The following ANKRD20A1 variants were observed in gnomAD, a reference collection of about 807,000 sequenced individuals.
ANKRD20A1 encodes ankyrin repeat domain-containing protein 20A1.
A neutral mutation model predicts 50.9 loss-of-function variants in ANKRD20A1; 2 were observed. That is an observed-to-expected ratio of 0.04 (90% CI 0.02 to 0.12). The LOEUF is 0.12. Among genes scored for constraint, ANKRD20A1 ranks in the 10% least tolerant of loss-of-function variants. The pLI is 1.00. For missense variants in ANKRD20A1, 31 were observed against 548.1 expected (o/e 0.06, Z 9.42); for synonymous variants, 10 against 186.2 (o/e 0.05, Z 7.70).
chr9:67,884,613 G>C (rs191449257), intron 9 of ANKRD20A1, 43 bp downstream of exon 9: 67 of 1,589,122 alleles, frequency 4.2e-5, no homozygotes, highest in Non-Finnish European at 5.3e-5. Context: ...GATGGAGGCC[G>C]GGTGCGGTGG....
chr9:67,875,885 CTTCT>C (rs1439470719), intron 6 of ANKRD20A1, among the ~76,000 whole-genome samples: 3 of 99,890 alleles, frequency 3.0e-5, no homozygotes, highest in South Asian at 4.1e-4. Flanking sequence ...TTTTCTTTTG[CTTCT>C]TTATCATTGT....
chr9:67,900,259 G>C (rs957928839), intron 14 of ANKRD20A1, among the ~76,000 whole-genome samples: 2 of 19,972 alleles, frequency 1.0e-4, no homozygotes, highest in African/African-American at 2.3e-4. Flanking sequence ...AAATTCTCTG[G>C]TGTGTGTGTG....
chr9:67,875,607 AATGAC>A (rs1203764291), intron 6 of ANKRD20A1, among the ~76,000 whole-genome samples: 3 of 151,886 alleles, frequency 2.0e-5, no homozygotes, highest in African/African-American at 7.2e-5. Flanking sequence ...ACAAGTGTAT[AATGAC>A]ATGACATGTA....
intron 9 of ANKRD20A1, among the ~76,000 whole-genome samples, chr9:67,884,795 CAGG>C (rs1452669982): frequency 6.6e-6 from 1 of 151,128 alleles, no homozygotes. Context: ...GAGGCTGAGG[CAGG>C]AGAATGGCTT....
intron 8 of ANKRD20A1, among the ~76,000 whole-genome samples, chr9:67,882,535 T>C (rs1024573118): frequency 6.7e-6 from 1 of 150,096 alleles, no homozygotes; most frequent in Non-Finnish European, 1.5e-5. Flanking sequence ...TCTAGTATCA[T>C]TCAACTGGAA....
At chr9:67,883,071 A>G (rs1827825607) in intron 8 of ANKRD20A1, among the ~76,000 whole-genome samples, 2 of 150,608 alleles carry the variant, frequency 1.3e-5, no homozygotes, top group African/African-American at 4.9e-5. Flanking sequence ...AGTCTTTGCT[A>G]TTGTAAATAG....
chr9:67,866,261 G>A (rs1409707868), intron 3 of ANKRD20A1, among the ~76,000 whole-genome samples: 1 of 150,312 alleles, frequency 6.7e-6, no homozygotes, highest in Non-Finnish European at 1.5e-5. Flanking sequence ...GATTTAAAAA[G>A]TAGAGCTGCA....
In ANKRD20A1 at chr9:67,860,433, T is replaced by C. The variant is rs1192124408; in HGVS notation, c.203+804T>C. ...ACATATGTTATATATATCAGTTATA[T>C]ATACACATTAGATGAAAAGTACCTC... On this transcript the variant is annotated intron_variant, in intron 1 of 14. Transcript: ENST00000562196. 2 of 48,066 alleles carry C rather than the reference T, an allele frequency of 4.2e-5. 1 individual carries two copies. Among genetic ancestry groups the C allele is most frequent in the Non-Finnish European group, 8.3e-5 (2 of 24,142 alleles). The allele number at this position is 48,066 out of a possible 1,614,324, so 3.0% of individuals were successfully genotyped here.
intron 8 of ANKRD20A1, among the ~76,000 whole-genome samples, chr9:67,882,360 G>A (rs1171669181): frequency 6.7e-6 from 1 of 149,344 alleles, no homozygotes; most frequent in Non-Finnish European, 1.5e-5. Context: ...TAAACCTAAT[G>A]TAGCTAATAA....
chr9:67,865,667 C>G (rs1438599160), intron 3 of ANKRD20A1, among the ~76,000 whole-genome samples: 1 of 131,446 alleles, frequency 7.6e-6, no homozygotes, highest in African/African-American at 2.8e-5. Context: ...TCTGGTGTCC[C>G]CTGAGTTTCT....
chr9:67,884,837 C>T (rs1412119153), intron 9 of ANKRD20A1, among the ~76,000 whole-genome samples: 2 of 151,250 alleles, frequency 1.3e-5, no homozygotes, highest in Non-Finnish European at 2.9e-5. Flanking sequence ...TTGCAGTGAG[C>T]GGAGATACCA....
intron 8 of ANKRD20A1, among the ~76,000 whole-genome samples, chr9:67,881,933 G>A (rs201244185): frequency 1.4e-5 from 2 of 145,390 alleles, no homozygotes; most frequent in Admixed American, 7.2e-5. Context: ...AAACATATTT[G>A]TGTGTATCCT....
intron 9 of ANKRD20A1, among the ~76,000 whole-genome samples, chr9:67,884,983 AAC>A: frequency 3.0e-5 from 2 of 66,172 alleles, no homozygotes; most frequent in African/African-American, 6.5e-5. Context: ...GTGTCCTATT[AAC>A]TGTATAATAA....
intron 3 of ANKRD20A1, among the ~76,000 whole-genome samples, chr9:67,865,581 A>G (rs1379873613): frequency 2.7e-5 from 4 of 149,028 alleles, no homozygotes; most frequent in East Asian, 2.0e-4. Context: ...GTTTGCCTCT[A>G]TAAGTTGAAT....
chr9:67,890,034 AAG>A (rs1447549683), intron 11 of ANKRD20A1, among the ~76,000 whole-genome samples: 3 of 29,074 alleles, frequency 1.0e-4, no homozygotes, highest in African/African-American at 2.3e-4. Context: ...TTAGAGTAGA[AAG>A]AGAGCAAAGA....
At chr9:67,869,166 G>GAAAA (rs1338510460) in intron 5 of ANKRD20A1, among the ~76,000 whole-genome samples, 1 of 12,122 alleles carries the variant, frequency 8.2e-5, no homozygotes. Context: ...AGAAGAAGGG[G>GAAAA]AAAAAAGGCC....
At chr9:67,884,206 C>G (rs1827837425) in intron 8 of ANKRD20A1, among the ~76,000 whole-genome samples, 1 of 146,206 alleles carries the variant, frequency 6.8e-6, no homozygotes, top group Admixed American at 7.2e-5. Context: ...TGAGACCAGC[C>G]TGGGCAGTAT....
intron 9 of ANKRD20A1, among the ~76,000 whole-genome samples, chr9:67,884,993 T>C (rs759965297): frequency 4.3e-3 from 224 of 52,650 alleles, no homozygotes; most frequent in South Asian, 7.4e-3. Context: ...AACTGTATAA[T>C]AAGTAAAGAA....
At chr9:67,867,654 A>C (rs1455310355) in intron 4 of ANKRD20A1, among the ~76,000 whole-genome samples, 5 of 142,000 alleles carry the variant, frequency 3.5e-5, no homozygotes, top group African/African-American at 1.3e-4. Context: ...GTTTTGTATT[A>C]GTTTTATTAA....
Sources: allele counts gnomAD v4.1 joint callset (sites outside exome capture counted in the v4.1 genomes callset), GRCh38; gene constraint gnomAD v4.1.1; transcripts MANE v1.5; gene names NCBI Gene and HGNC (gene_info 2026-07-23, HGNC 2026-07-21).